The following PLGRKT variants were observed in gnomAD, a reference collection of about 807,000 sequenced individuals.
The protein encoded by PLGRKT is plasminogen receptor with a C-terminal lysine, also known as plasminogen receptor (KT).
PLGRKT carries 22 observed loss-of-function variants against 18.5 expected under a neutral mutation model. That is an observed-to-expected ratio of 1.19 (90% CI 0.85 to 1.70). The LOEUF (loss-of-function observed/expected upper bound fraction) is 1.70, where lower values mean the gene tolerates loss of function less well. PLGRKT is among the 40% of genes most tolerant of loss of function. The pLI, the probability that PLGRKT is intolerant of heterozygous loss-of-function variation, is 0.00. For synonymous variants in PLGRKT, 72 were observed against 52.8 expected (o/e 1.36, Z -1.58); for missense variants, 235 against 174.4 (o/e 1.35, Z -1.96).
At chr9:5,381,792 A>G (rs1817751622) in intron 3 of PLGRKT, 2 of 746,836 alleles carry the variant, frequency 2.7e-6, no homozygotes. Context: ...TTGGTCTAGA[A>G]ACATGGCCAA....
At chr9:5,379,473 G>C (rs181316954) in intron 3 of PLGRKT, among the ~76,000 whole-genome samples, 40 of 152,174 alleles carry the variant, frequency 2.6e-4, no homozygotes, top group East Asian at 1.3e-3. Context: ...CACATTTCCA[G>C]TGTTCAACAG....
intron 3 of PLGRKT, among the ~76,000 whole-genome samples, chr9:5,386,494 C>CCA (rs961732562): frequency 3.3e-5 from 5 of 151,550 alleles, no homozygotes; most frequent in Admixed American, 6.6e-5. Context: ...CAGTGGACCC[C>CCA]CACACACACA....
chr9:5,417,278 G>A (rs188501735), intron 3 of PLGRKT, among the ~76,000 whole-genome samples: 10 of 152,078 alleles, frequency 6.6e-5, no homozygotes, highest in East Asian at 3.9e-4. Context: ...GTCTAGCTTC[G>A]GTATGCTTAT....
intron 3 of PLGRKT, among the ~76,000 whole-genome samples, chr9:5,408,994 C>T (rs557328956): frequency 5.1e-4 from 78 of 152,338 alleles, no homozygotes; most frequent in African/African-American, 1.8e-3. Flanking sequence ...AGAGTTGAGG[C>T]TTGGGAGCCT....
chr9:5,413,515 C>T (rs1818403398), intron 3 of PLGRKT, among the ~76,000 whole-genome samples: 1 of 152,102 alleles, frequency 6.6e-6, no homozygotes, highest in African/African-American at 2.4e-5. Context: ...GCAAGAGAGT[C>T]AGAATTAGAG....
intron 3 of PLGRKT, among the ~76,000 whole-genome samples, chr9:5,415,472 G>T (rs1389726013): frequency 6.6e-6 from 1 of 152,162 alleles, no homozygotes; most frequent in African/African-American, 2.4e-5. Flanking sequence ...GATGAAATCA[G>T]TGGGCAAAAG....
At chr9:5,420,449 C>T (rs1818553472) in intron 3 of PLGRKT, among the ~76,000 whole-genome samples, 1 of 152,006 alleles carries the variant, frequency 6.6e-6, no homozygotes, top group Non-Finnish European at 1.5e-5. Flanking sequence ...AGAAGAATGA[C>T]TTCAGATGAG....
At chr9:5,364,564 C>T (rs1817340922) in intron 3 of PLGRKT, among the ~76,000 whole-genome samples, 1 of 152,198 alleles carries the variant, frequency 6.6e-6, no homozygotes. Flanking sequence ...ACAAAATAAT[C>T]TGACTGTGCT....
intron 3 of PLGRKT, among the ~76,000 whole-genome samples, chr9:5,425,891 T>C (rs1338414919): frequency 6.6e-6 from 1 of 152,342 alleles, no homozygotes; most frequent in Middle Eastern, 3.4e-3. Context: ...GATAAGATTT[T>C]ATTTATTAGG....
intron 3 of PLGRKT, among the ~76,000 whole-genome samples, chr9:5,398,491 A>G (rs1044194095): frequency 6.6e-6 from 1 of 151,954 alleles, no homozygotes; most frequent in Non-Finnish European, 1.5e-5. Context: ...CCTTTTTTGT[A>G]GCAAGTGCTT....
intron 3 of PLGRKT, among the ~76,000 whole-genome samples, chr9:5,426,703 G>A (rs1026471098): frequency 6.6e-6 from 1 of 152,166 alleles, no homozygotes; most frequent in African/African-American, 2.4e-5. Context: ...GAGGTCACAG[G>A]CCCTGACTGC....
chr9:5,389,077 G>T (rs1045946156), intron 3 of PLGRKT, among the ~76,000 whole-genome samples: 8 of 152,020 alleles, frequency 5.3e-5, no homozygotes, highest in African/African-American at 1.7e-4. Flanking sequence ...ACTTAACATA[G>T]GACATGGACT....
At chr9:5,411,384 C>CA (rs78144379) in intron 3 of PLGRKT, among the ~76,000 whole-genome samples, 10,699 of 122,248 alleles carry the variant, frequency 0.088, 629 homozygotes, top group Middle Eastern at 0.18. Context: ...GACCCTGTTT[C>CA]AAAAAAAAAA....
At position 5,384,221 on chromosome 9, in the gene PLGRKT, C is replaced by T. The variant is rs551381076; in HGVS notation, c.82-22333G>A. 1.5e-3 allele frequency among the ~76,000 whole-genome samples: 232 copies of T among 152,260 alleles called. 2 individuals are homozygous for T. Among genetic ancestry groups the T allele is most frequent in the Admixed American group, 4.5e-3 (69 of 15,292 alleles). Reference sequence around the variant, plus strand: ...GAAGTGGAAGGCCTGGGACTCTACCCTGAAGAGTGGCAAGTATGTGAGCCA... The same window carrying T: ...GAAGTGGAAGGCCTGGGACTCTACCTTGAAGAGTGGCAAGTATGTGAGCCA... On this transcript the variant is annotated intron_variant, in intron 3 of 5. Transcript: ENST00000223864.
chr9:5,407,034 T>C (rs1373122471), intron 3 of PLGRKT, among the ~76,000 whole-genome samples: 1 of 152,228 alleles, frequency 6.6e-6, no homozygotes, highest in Admixed American at 6.5e-5. Context: ...CCCTCACTTT[T>C]ATATTGCTTT....
chr9:5,389,994 C>T (rs1817917247), intron 3 of PLGRKT, among the ~76,000 whole-genome samples: 1 of 151,666 alleles, frequency 6.6e-6, no homozygotes, highest in South Asian at 2.1e-4. Context: ...AAGGTTGGTA[C>T]ATCATGTCCA....
intron 2 of PLGRKT, among the ~76,000 whole-genome samples, chr9:5,434,801 T>G (rs1818927312): frequency 6.6e-6 from 1 of 151,736 alleles, no homozygotes; most frequent in Non-Finnish European, 1.5e-5. Context: ...ATCTGGGAAG[T>G]GTACCCAACA....
At position 5,393,359 on chromosome 9, in the gene PLGRKT, T is replaced by G. The variant is rs139730900; in HGVS notation, c.82-31471A>C. On this transcript the variant is annotated intron_variant, in intron 3 of 5. Coordinates refer to ENST00000223864, the MANE Select transcript of PLGRKT (RefSeq NM_018465.4). The stretch of plus-strand genomic sequence containing the variant: ...GCCTTCTACTTCCTACACCTCTTGG[T>G]GGTTTTTTTCTATGGTTACTGTGAA... 4.2e-3 allele frequency among the ~76,000 whole-genome samples: 638 copies of G among 151,922 alleles called. 16 individuals carry two copies. Among genetic ancestry groups the G allele is most frequent in the African/African-American group, 0.015 (621 of 41,254 alleles).
At chr9:5,422,185 G>A (rs10975107) in intron 3 of PLGRKT, among the ~76,000 whole-genome samples, 33,234 of 152,148 alleles carry the variant, frequency 0.22, 4,019 homozygotes, top group Non-Finnish European at 0.27. Flanking sequence ...ATGATCATGA[G>A]TGGATGGTAA....
Sources: gnomAD v4.1 joint callset for allele counts (sites outside exome capture counted in the v4.1 genomes callset) on GRCh38, gnomAD v4.1.1 for gene constraint, MANE v1.5 for transcripts, NCBI Gene and HGNC (gene_info 2026-07-23, HGNC 2026-07-21) for gene names.